Variants in RNF4 observed in about 807,000 individuals in gnomAD.
RNF4 encodes the protein E3 ubiquitin-protein ligase RNF4.
A neutral mutation model predicts 24.3 loss-of-function variants in RNF4; 7 were observed. That is an observed-to-expected ratio of 0.29 (90% CI 0.16 to 0.54). RNF4 has a LOEUF of 0.54. RNF4 is among the 20% of genes least tolerant of loss of function. RNF4 has a pLI of 0.95. For synonymous variants in RNF4, 83 were observed against 84.3 expected (o/e 0.98, Z 0.09); for missense variants, 209 against 248.5 (o/e 0.84, Z 1.07).
At chr4:2,505,286 A>T (rs1736045182) in intron 4 of RNF4, 1 of 149,314 alleles carries the variant, frequency 6.7e-6, no homozygotes, top group Non-Finnish European at 1.5e-5. Flanking sequence ...GTCTGGAATA[A>T]TTTTCTCCAC....
At chr4:2,493,070 G>A (rs1735627399) in intron 2 of RNF4, among the ~76,000 whole-genome samples, 1 of 152,118 alleles carries the variant, frequency 6.6e-6, no homozygotes, top group African/African-American at 2.4e-5. Context: ...GGGCCAGAGT[G>A]GGGAGCTCTG....
At chr4:2,502,082 T>C (rs1234859299) in intron 4 of RNF4, among the ~76,000 whole-genome samples, 3 of 152,218 alleles carry the variant, frequency 2.0e-5, no homozygotes, top group Admixed American at 2.0e-4. Flanking sequence ...ATAACTAATT[T>C]GGTATATTAG....
At chr4:2,470,092 A>G (rs1734856005) in intron 1 of RNF4, 3 of 152,300 alleles carry the variant, frequency 2.0e-5, no homozygotes, top group Non-Finnish European at 4.4e-5. Context: ...ATAGACGTTC[A>G]CAAACTTAAT....
chr4:2,472,836 C>T (rs566819274), intron 1 of RNF4, among the ~76,000 whole-genome samples: 2 of 150,936 alleles, frequency 1.3e-5, no homozygotes, highest in Non-Finnish European at 3.0e-5. Flanking sequence ...GTCAGGAGAT[C>T]GAGACCATCC....
Position 2,484,152 on chromosome 4 carries a change from A to G in RNF4, c.-157-6185A>G, listed in dbSNP as rs187796606. ...CCCAGGTCTCTTATTTTCAGTGGGTAATTGTATCAGACTCTGCCTCCCAGG... is the reference window on the plus strand; with the variant it reads ...CCCAGGTCTCTTATTTTCAGTGGGTGATTGTATCAGACTCTGCCTCCCAGG... On this transcript the variant is annotated intron_variant, in intron 1 of 7. Transcript: ENST00000314289. Among the ~76,000 whole-genome samples the G allele has an allele frequency of 5.6e-5, 8 of 142,604 alleles. No homozygotes were observed. In the East Asian group the frequency reaches 1.7e-3, roughly 30 times the overall value. The allele number at this position is 142,604 out of a possible 152,430, so 93.6% of individuals were successfully genotyped here. A position where few individuals can be genotyped will look rare whatever the true frequency, so the allele number is the denominator to read the frequency against.
chr4:2,479,703 T>G (rs1735190852), intron 1 of RNF4: 1 of 152,240 alleles, frequency 6.6e-6, no homozygotes, highest in African/African-American at 2.4e-5. Flanking sequence ...GTCTCAAGTA[T>G]GTCTGTCTCA....
At chr4:2,508,911 C>CTTTT (rs66571775) in intron 4 of RNF4, among the ~76,000 whole-genome samples, 2,044 of 62,552 alleles carry the variant, frequency 0.033, 137 homozygotes, top group Non-Finnish European at 0.037. Flanking sequence ...TGCCCCAGGC[C>CTTTT]TTTTTTTTTT....
At chr4:2,497,597 G>GT (rs1560408913) in intron 3 of RNF4, among the ~76,000 whole-genome samples, 1 of 152,092 alleles carries the variant, frequency 6.6e-6, no homozygotes, top group African/African-American at 2.4e-5. Flanking sequence ...TGCATATATT[G>GT]TTTTTATAAC....
At chr4:2,498,839 C>T (rs1038739575) in intron 3 of RNF4, among the ~76,000 whole-genome samples, 6 of 152,062 alleles carry the variant, frequency 3.9e-5, no homozygotes, top group East Asian at 1.9e-4. Flanking sequence ...TGCAGTGAGC[C>T]GTGATCGTGC....
rs182098040 is a variant in RNF4 at position 2,477,744 on chromosome 4, T to C, written c.-158+8486T>C. Among the ~76,000 whole-genome samples the C allele has an allele frequency of 7.4e-4, 113 of 152,328 alleles. 2 individuals carry two copies. The Middle Eastern group carries it at 0.031, about 41-fold the overall frequency. ...CCATTTGGAACTGGCTTTTGTAAAC[T>C]TCTTGCTTTTGTAAATTGCCCAGTC... On this transcript the variant is annotated intron_variant, in intron 1 of 7. Coordinates refer to ENST00000314289, the MANE Select transcript of RNF4 (RefSeq NM_002938.5).
rs139513670 is a variant in RNF4 at position 2,512,575 on chromosome 4, G to A, written c.352G>A (p.Asp118Asn). 1.3e-3 allele frequency: 2,097 copies of A among 1,613,898 alleles called. 18 individuals are homozygous for A. In the African/African-American group the frequency reaches 0.023, roughly 17 times the overall value. ...VTTHTPRNAR[D>N]EGATGLRPSG... ...TACCCATACTCCCAGAAACGCCAGGGATGAGGGCGCTACAGGCCTCAGGTA... is the reference window on the plus strand; with the variant it reads ...TACCCATACTCCCAGAAACGCCAGGAATGAGGGCGCTACAGGCCTCAGGTA... Residue 118 changes from aspartate to asparagine, a missense_variant, in exon 6 of 8, where the codon GAT becomes AAT. Physicochemically the swap from Asp to Asn is conservative, Grantham distance 23. Coordinates refer to ENST00000314289, the MANE Select transcript of RNF4 (RefSeq NM_002938.5). The surrounding 1 kb of genome is among the most constrained non-coding windows in gnomAD (Gnocchi z 4.1).
intron 2 of RNF4, among the ~76,000 whole-genome samples, chr4:2,493,743 TAAAAAAA>T (rs34740719): frequency 1.1e-5 from 1 of 88,154 alleles, no homozygotes; most frequent in Non-Finnish European, 2.2e-5. Context: ...GACTCCGTCT[TAAAAAAA>T]AAAAAAAAAA....
chr4:2,481,479 T>G (rs35674085), intron 1 of RNF4, among the ~76,000 whole-genome samples: 6,852 of 152,294 alleles, frequency 0.045, 196 homozygotes, highest in South Asian at 0.13. Context: ...ATAAAGACTT[T>G]GACCTATGTT....
intron 1 of RNF4, among the ~76,000 whole-genome samples, chr4:2,487,272 A>G (rs1249718396): frequency 2.0e-5 from 3 of 151,630 alleles, no homozygotes; most frequent in African/African-American, 7.3e-5. Flanking sequence ...ACATCTGGCT[A>G]TTTTTTTAAT....
intron 1 of RNF4, among the ~76,000 whole-genome samples, chr4:2,482,818 C>G (rs1735281437): frequency 6.6e-6 from 1 of 151,358 alleles, no homozygotes; most frequent in Non-Finnish European, 1.5e-5. Flanking sequence ...GGCCCCTGAG[C>G]CTTAGGAATA....
intron 4 of RNF4, among the ~76,000 whole-genome samples, chr4:2,508,695 C>T (rs911063571): frequency 6.6e-6 from 1 of 152,174 alleles, no homozygotes; most frequent in Non-Finnish European, 1.5e-5. Context: ...ACCACAACCT[C>T]CACCTCCCAG....
At chr4:2,510,927 G>C (rs1177978536) in intron 4 of RNF4, among the ~76,000 whole-genome samples, 1 of 152,226 alleles carries the variant, frequency 6.6e-6, no homozygotes, top group Admixed American at 6.5e-5. Flanking sequence ...CCAGGACAGA[G>C]AATTGGATTG....
intron 1 of RNF4, among the ~76,000 whole-genome samples, chr4:2,470,772 G>T (rs1734879432): frequency 6.6e-6 from 1 of 151,996 alleles, no homozygotes; most frequent in African/African-American, 2.4e-5. Flanking sequence ...CTGTAGCTGG[G>T]TGAGGATGGA....
chr4:2,477,573 G>C (rs1349757849), intron 1 of RNF4, among the ~76,000 whole-genome samples: 1 of 151,856 alleles, frequency 6.6e-6, no homozygotes, highest in Non-Finnish European at 1.5e-5. Context: ...CAACAGAGTA[G>C]ACTTAATCTA....
Sources: gnomAD v4.1 joint callset for allele counts (sites outside exome capture counted in the v4.1 genomes callset) on GRCh38, gnomAD v4.1.1 for gene constraint, Gnocchi (gnomAD v3.1) non-coding constraint, MANE v1.5 for transcripts, NCBI Gene and HGNC (gene_info 2026-07-23, HGNC 2026-07-21) for gene names.